Variants in WWP2 observed in about 807,000 individuals in gnomAD.
The protein encoded by WWP2 is WW domain containing E3 ubiquitin protein ligase 2.
In WWP2, 57 loss-of-function variants were observed where a neutral mutation model predicts 121.0. The ratio of observed to expected loss-of-function variants is 0.47; its 90% confidence interval spans 0.38 to 0.59. WWP2 has a LOEUF of 0.59. Ranked by LOEUF, WWP2 falls within the 20% of genes least tolerant of loss-of-function variation. The pLI is 0.00. For missense variants in WWP2, 962 were observed against 1,158.9 expected, an observed-to-expected ratio of 0.83 and a Z score of 2.47; for synonymous variants, 449 against 441.3, an observed-to-expected ratio of 1.02 and a Z score of -0.22.
chr16:69,937,494 G>A lies in WWP2; in HGVS notation c.2239-54G>A. ...GGGGTAATGTCAAGTGCTAGCGAGT[G>A]GACGATGCGCGGGGAGGGACCTGCC... On this transcript the variant is annotated intron_variant, in intron 20 of 23. Transcript: ENST00000359154. This position sits in a 1 kb window ranked among gnomAD's most constrained non-coding sequence, Gnocchi z 6.6. The A allele has an allele frequency of 6.3e-7, 1 of 1,582,000 alleles. No individual in the cohort carries two copies. Among genetic ancestry groups the A allele is most frequent in the Non-Finnish European group, 8.7e-7 (1 of 1,151,836 alleles).
chr16:69,784,554 T>C (rs2055741378), intron 1 of WWP2, among the ~76,000 whole-genome samples: 1 of 152,172 alleles, frequency 6.6e-6, no homozygotes, highest in African/African-American at 2.4e-5. Flanking sequence ...ATACTCTCAG[T>C]ATAAAGAAAA....
chr16:69,932,021 C>G, intron 16 of WWP2, 131 bp downstream of exon 16: 1 of 910,164 alleles, frequency 1.1e-6, no homozygotes, highest in Non-Finnish European at 1.7e-6. Context: ...GGAATGGGCA[C>G]AGTGTGGCAT....
chr16:69,872,008 G>C, intron 7 of WWP2, 77 bp downstream of exon 7: 2 of 1,527,564 alleles, frequency 1.3e-6, no homozygotes, highest in African/African-American at 1.4e-5. Context: ...ACGGGATCCT[G>C]CCCACTGTGT....
At chr16:69,830,280 G>T (rs2056771490) in intron 4 of WWP2, among the ~76,000 whole-genome samples, 1 of 152,058 alleles carries the variant, frequency 6.6e-6, no homozygotes, top group African/African-American at 2.4e-5. Context: ...TTATAGAGAT[G>T]AGGGTCTCAC....
chr16:69,807,948 C>T (rs2056315091), intron 4 of WWP2, among the ~76,000 whole-genome samples: 1 of 152,060 alleles, frequency 6.6e-6, no homozygotes, highest in Admixed American at 6.6e-5. Flanking sequence ...AGAGCAAAAC[C>T]CTATCTCAAA....
intron 6 of WWP2, among the ~76,000 whole-genome samples, chr16:69,860,541 G>T (rs1258305169): frequency 6.6e-6 from 1 of 152,236 alleles, no homozygotes; most frequent in Non-Finnish European, 1.5e-5. Context: ...TTGGCCACCT[G>T]GGTGGAAAGT....
At chr16:69,924,859 C>T in intron 10 of WWP2, 1 of 902,970 alleles carries the variant, frequency 1.1e-6, no homozygotes. Flanking sequence ...TGGGTGGACG[C>T]TGCACACCCA....
intron 8 of WWP2, among the ~76,000 whole-genome samples, chr16:69,906,960 A>G (rs2058304299): frequency 6.6e-6 from 1 of 152,242 alleles, no homozygotes; most frequent in African/African-American, 2.4e-5. Context: ...ATGTAATACT[A>G]AAAATATTTG....
chr16:69,909,181 T>C (rs2058345269), intron 9 of WWP2: 2 of 1,029,674 alleles, frequency 1.9e-6, no homozygotes, highest in East Asian at 8.6e-5. Flanking sequence ...CGCCAAGTTA[T>C]CCAAAACCAA....
chr16:69,773,678 C>T, intron 1 of WWP2, among the ~76,000 whole-genome samples: 1 of 151,974 alleles, frequency 6.6e-6, no homozygotes. Flanking sequence ...AATGGGGTTT[C>T]TCTATGTTGC....
chr16:69,911,683 C>G (rs1210886050), intron 9 of WWP2, among the ~76,000 whole-genome samples: 1 of 152,114 alleles, frequency 6.6e-6, no homozygotes, highest in Non-Finnish European at 1.5e-5. Context: ...AGTGGAAATT[C>G]ACCACAGCAG....
chr16:69,809,637 G>A (rs2056349643), intron 4 of WWP2, among the ~76,000 whole-genome samples: 1 of 152,116 alleles, frequency 6.6e-6, no homozygotes, highest in Non-Finnish European at 1.5e-5. Flanking sequence ...ACGTGGTGGT[G>A]TGTATTTGTA....
intron 9 of WWP2, among the ~76,000 whole-genome samples, chr16:69,916,644 G>A (rs1484410545): frequency 6.6e-6 from 1 of 152,162 alleles, no homozygotes; most frequent in Non-Finnish European, 1.5e-5. Context: ...CAGCGGGAAT[G>A]ATGTTGGCCT....
Position 69,940,215 on chromosome 16 carries a change from CCT to C in WWP2, c.*276_*277del, listed in dbSNP as rs1399817118. 2 of 489,428 alleles carry C rather than the reference CCT, an allele frequency of 4.1e-6. No individual in the cohort carries two copies. The highest frequency in any genetic ancestry group is 7.2e-5 in the Admixed American group (2 of 27,664). The allele number at this position is 489,428 out of a possible 1,614,324, so 30.3% of individuals were successfully genotyped here. On this transcript the variant is annotated 3_prime_UTR_variant, in exon 24 of 24. Coordinates refer to ENST00000359154, the MANE Select transcript of WWP2 (RefSeq NM_001270454.2). Reference sequence around the variant, plus strand: ...GCTGACCCTCTCTGCAAAACTCTCCCCTGTCCTCTAGACCCCACCCTGGGTGT... The same window carrying C: ...GCTGACCCTCTCTGCAAAACTCTCCCGTCCTCTAGACCCCACCCTGGGTGT...
rs2058819671 is a variant in WWP2, at chr16:69,937,612, A to C, written c.2303A>C (p.His768Pro). 3 of 1,613,710 alleles carry C rather than the reference A, an allele frequency of 1.9e-6. No homozygotes were observed. In the African/African-American group the frequency reaches 4.0e-5, roughly 22 times the overall value. The part of the protein sequence containing the change: ...SDWQKSTIYR[H>P]YTKNSKQIQW... ...TGGCAGAAGAGCACCATCTACCGGC[A>C]CTACACCAAGAACAGCAAGCAGATC... The change falls in exon 21 of 24, where the codon CAC becomes CCC. Residue 768 changes from histidine to proline, a missense_variant. By Grantham distance (77) the His-to-Pro change is moderately conservative. Transcript: ENST00000359154. The surrounding 1 kb of genome is among the most constrained non-coding windows in gnomAD (Gnocchi z 6.6).
intron 8 of WWP2, among the ~76,000 whole-genome samples, chr16:69,900,524 CTT>C (rs58813634): frequency 2.0e-5 from 3 of 147,380 alleles, no homozygotes; most frequent in Non-Finnish European, 3.0e-5. Flanking sequence ...ATGTTGCCAA[CTT>C]TTTTTTTTTT....
chr16:69,875,623 C>T (rs564952271), intron 7 of WWP2, among the ~76,000 whole-genome samples: 112 of 152,366 alleles, frequency 7.4e-4, no homozygotes, highest in Middle Eastern at 6.8e-3. Context: ...ACAGTGTTCA[C>T]AGCATTTTCA....
Position 69,762,349 on chromosome 16 carries a change from G to C in WWP2, c.-58G>C, listed in dbSNP as rs1203700856. Reference sequence around the variant, plus strand: ...GCCCGAGTGCGGGCGGTGGAAGGCGGAAGTAGGAGAGGAGTTCGGCGCCGC... The same window carrying C: ...GCCCGAGTGCGGGCGGTGGAAGGCGCAAGTAGGAGAGGAGTTCGGCGCCGC... On this transcript the variant is annotated 5_prime_UTR_variant, in exon 1 of 24. Coordinates refer to ENST00000359154, the MANE Select transcript of WWP2 (RefSeq NM_001270454.2). 1.3e-5 allele frequency: 2 copies of C among 151,900 alleles called. No individual in the cohort carries two copies. Among genetic ancestry groups the C allele is most frequent in the Non-Finnish European group, 2.9e-5 (2 of 67,850 alleles). 9.4% of individuals were successfully genotyped at this position (151,900 alleles called of 1,614,324 possible). A position where few individuals can be genotyped will look rare whatever the true frequency, so the allele number is the denominator to read the frequency against.
Position 69,935,322 on chromosome 16 carries a change from A to G in WWP2, c.1843-531A>G, listed in dbSNP as rs8043768. Among the ~76,000 whole-genome samples, 1 of 152,174 alleles carries G rather than the reference A, an allele frequency of 6.6e-6. No homozygotes were observed. Among genetic ancestry groups the G allele is most frequent in the African/African-American group, 2.4e-5 (1 of 41,432 alleles). Reference sequence around the variant, plus strand: ...GGTGCTGGGCTCTGGAAATGGGCACATTCTTCCCAGGTCTAGAGACCCGCC... The same window carrying G: ...GGTGCTGGGCTCTGGAAATGGGCACGTTCTTCCCAGGTCTAGAGACCCGCC... On this transcript the variant is annotated intron_variant, in intron 17 of 23. Coordinates refer to ENST00000359154, the MANE Select transcript of WWP2 (RefSeq NM_001270454.2). The surrounding 1 kb of genome is among the most constrained non-coding windows in gnomAD (Gnocchi z 5.2).
Sources: allele counts gnomAD v4.1 joint callset (sites outside exome capture counted in the v4.1 genomes callset), GRCh38; gene constraint gnomAD v4.1.1; non-coding constraint Gnocchi (gnomAD v3.1); transcripts MANE v1.5; gene names NCBI Gene and HGNC (gene_info 2026-07-23, HGNC 2026-07-21).